FAAH2: variants seen among roughly 807,000 people sequenced by gnomAD.
The protein encoded by FAAH2 is fatty acid amide hydrolase 2, also known as fatty-acid amide hydrolase 2.
In FAAH2, 60 loss-of-function variants were observed where a neutral mutation model predicts 36.9. The ratio of observed to expected loss-of-function variants is 1.63; its 90% CI spans 1.32 to 2.02. FAAH2 has a LOEUF of 2.02. FAAH2 is among the 30% of genes most tolerant of loss of function. The pLI is 0.00. For missense variants in FAAH2, 689 were observed against 397.5 expected (o/e 1.73, Z -6.23); for synonymous variants, 214 against 143.8 (o/e 1.49, Z -3.49).
the FAAH2 span, among the ~76,000 whole-genome samples, chrX:57,139,095 G>A: frequency 2.7e-5 from 3 of 112,136 alleles, no homozygotes; most frequent in Non-Finnish European, 3.8e-5. Flanking sequence ...TCCTTTGCCT[G>A]TGCTTTGAGG....
intron 10 of FAAH2, among the ~76,000 whole-genome samples, chrX:57,460,096 C>T (rs1183462692): frequency 9.1e-6 from 1 of 109,865 alleles, no homozygotes; most frequent in Non-Finnish European, 1.9e-5. Context: ...GGCGTGAAGA[C>T]AAGATTAGAG....
chrX:57,399,491 G>A (rs1356186011), intron 7 of FAAH2, among the ~76,000 whole-genome samples: 5 of 111,748 alleles, frequency 4.5e-5, no homozygotes, highest in Admixed American at 9.5e-5. Context: ...TGAGTACTGG[G>A]GCTTGGTTTT....
chrX:57,294,878 T>A (rs760858435), intron 2 of FAAH2, among the ~76,000 whole-genome samples: 2 of 111,315 alleles, frequency 1.8e-5, no homozygotes, highest in East Asian at 2.8e-4. Context: ...CACACTATTT[T>A]AACAAAGAAT....
the FAAH2 span, among the ~76,000 whole-genome samples, chrX:57,205,119 T>C: frequency 8.9e-6 from 1 of 112,578 alleles, no homozygotes; most frequent in Non-Finnish European, 1.9e-5. Flanking sequence ...AGGGAATATG[T>C]GTGACATCCA....
the FAAH2 span, among the ~76,000 whole-genome samples, chrX:57,280,715 A>G: frequency 9.0e-6 from 1 of 111,336 alleles, no homozygotes; most frequent in African/African-American, 3.3e-5. Context: ...TTAGGTATTT[A>G]TCTTAGAGAA....
At chrX:57,329,217 C>A (rs2053322393) in intron 3 of FAAH2, among the ~76,000 whole-genome samples, 1 of 112,092 alleles carries the variant, frequency 8.9e-6, no homozygotes, top group African/African-American at 3.2e-5. Flanking sequence ...AGGTGGCCAT[C>A]ATGCAGGTGT....
chrX:57,158,907 G>C, the FAAH2 span, among the ~76,000 whole-genome samples: 1 of 112,211 alleles, frequency 8.9e-6, no homozygotes, highest in Non-Finnish European at 1.9e-5. Flanking sequence ...TTTTAGACAT[G>C]AAGTCTTTGC....
At chrX:57,317,910 A>T (rs913857722) in intron 3 of FAAH2, among the ~76,000 whole-genome samples, 17 of 112,021 alleles carry the variant, frequency 1.5e-4, no homozygotes, top group African/African-American at 5.2e-4. Flanking sequence ...CTGCTCCTGA[A>T]TGACTACTGG....
At chrX:57,471,848 C>A (rs867381741) in intron 10 of FAAH2, among the ~76,000 whole-genome samples, 3 of 111,942 alleles carry the variant, frequency 2.7e-5, no homozygotes, top group Middle Eastern at 4.6e-3. Flanking sequence ...AACTATACTA[C>A]AAGGCTACAG....
intron 8 of FAAH2, among the ~76,000 whole-genome samples, chrX:57,440,311 C>T (rs927959884): frequency 9.0e-6 from 1 of 111,297 alleles, no homozygotes; most frequent in Non-Finnish European, 1.9e-5. Flanking sequence ...AGAAGAGGTC[C>T]TTCACATCCC....
intron 7 of FAAH2, among the ~76,000 whole-genome samples, chrX:57,418,838 T>C (rs2055920582): frequency 9.4e-6 from 1 of 106,492 alleles, no homozygotes; most frequent in Admixed American, 1.0e-4. Flanking sequence ...TCATTTAGCA[T>C]TAGGTATATC....
At chrX:57,339,711 A>C (rs763111161) in intron 4 of FAAH2, among the ~76,000 whole-genome samples, 97 of 112,446 alleles carry the variant, frequency 8.6e-4, no homozygotes, top group Non-Finnish European at 1.6e-3. Context: ...ACCATCTCAC[A>C]CCAGTCAGAA....
intron 7 of FAAH2, among the ~76,000 whole-genome samples, chrX:57,410,276 C>T (rs933630254): frequency 5.4e-5 from 6 of 111,227 alleles, no homozygotes; most frequent in African/African-American, 2.0e-4. Flanking sequence ...GTATTGTGGC[C>T]TAACAAATTG....
chrX:57,126,396 T>C, the FAAH2 span, among the ~76,000 whole-genome samples: 1 of 112,536 alleles, frequency 8.9e-6, no homozygotes, highest in African/African-American at 3.2e-5. Flanking sequence ...AGCCTGACTT[T>C]TCAGAGTATG....
At chrX:57,350,698 A>C (rs1198795219) in intron 5 of FAAH2, among the ~76,000 whole-genome samples, 1 of 111,057 alleles carries the variant, frequency 9.0e-6, no homozygotes, top group African/African-American at 3.3e-5. Context: ...ATTGGGCAGG[A>C]GTAGCTACAT....
chrX:57,208,764 A>AAACAAAGGGATGGGCCAT, the FAAH2 span, among the ~76,000 whole-genome samples: 9 of 111,996 alleles, frequency 8.0e-5, no homozygotes, highest in Admixed American at 7.6e-4. Flanking sequence ...TCCTTATGGG[A>AAACAAAGGGATGGGCCAT]AACAAAGGGA....
At chrX:57,180,632 C>A in the FAAH2 span, among the ~76,000 whole-genome samples, 1 of 110,799 alleles carries the variant, frequency 9.0e-6, no homozygotes, top group Admixed American at 9.6e-5. Context: ...AAATAGCCTG[C>A]CAACCAAACA....
intron 3 of FAAH2, among the ~76,000 whole-genome samples, chrX:57,331,286 T>G (rs2053397808): frequency 9.0e-6 from 1 of 111,524 alleles, no homozygotes; most frequent in South Asian, 3.8e-4. Context: ...GAAAGTGGGT[T>G]GCTCCTTGAC....
intron 8 of FAAH2, among the ~76,000 whole-genome samples, chrX:57,440,168 T>C (rs2056517641): frequency 1.8e-5 from 2 of 111,633 alleles, no homozygotes; most frequent in South Asian, 3.8e-4. Flanking sequence ...GGGGATGGCA[T>C]TGAATCTATA....
Sources: allele counts gnomAD v4.1 joint callset (sites outside exome capture counted in the v4.1 genomes callset), GRCh38; gene constraint gnomAD v4.1.1; transcripts MANE v1.5; gene names NCBI Gene and HGNC (gene_info 2026-07-23, HGNC 2026-07-21).